SPAG16: variants seen among roughly 807,000 people sequenced by gnomAD.
SPAG16 encodes sperm associated antigen 16, also known as sperm-associated antigen 16 protein.
SPAG16 carries 86 observed loss-of-function variants against 80.4 expected under a neutral mutation model. That is an observed-to-expected ratio of 1.07 (90% CI 0.90 to 1.28). SPAG16 has a LOEUF of 1.28. Among genes scored for constraint, SPAG16 ranks in the 50% most tolerant of loss-of-function variants. SPAG16 has a pLI of 0.00. For missense variants in SPAG16, 870 were observed against 765.3 expected, an observed-to-expected ratio of 1.14 and a Z score of -1.61; for synonymous variants, 294 against 265.9, an observed-to-expected ratio of 1.11 and a Z score of -1.03.
chr2:214,016,993 C>T (rs2047622846), intron 13 of SPAG16, among the ~76,000 whole-genome samples: 1 of 152,074 alleles, frequency 6.6e-6, no homozygotes, highest in Non-Finnish European at 1.5e-5. Context: ...ATGTGAAGCC[C>T]TGTTTAGACC....
At chr2:213,812,913 T>C (rs1446536473) in intron 10 of SPAG16, among the ~76,000 whole-genome samples, 3 of 152,082 alleles carry the variant, frequency 2.0e-5, no homozygotes, top group Non-Finnish European at 4.4e-5. Flanking sequence ...ATGAGGTTTG[T>C]ATGTGAAAAA....
chr2:213,322,539 C>G (rs1413465115), intron 5 of SPAG16, among the ~76,000 whole-genome samples: 3 of 151,946 alleles, frequency 2.0e-5, no homozygotes, highest in Admixed American at 6.6e-5. Flanking sequence ...TCCTATCTTC[C>G]CTTAGCATCT....
At chr2:213,940,075 T>C (rs1255863533) in intron 12 of SPAG16, among the ~76,000 whole-genome samples, 2 of 152,170 alleles carry the variant, frequency 1.3e-5, no homozygotes, top group Admixed American at 1.3e-4. Context: ...GGTAATTACA[T>C]AAATATGCAT....
intron 10 of SPAG16, among the ~76,000 whole-genome samples, chr2:213,509,354 T>G (rs946878109): frequency 6.6e-6 from 1 of 152,196 alleles, no homozygotes; most frequent in Non-Finnish European, 1.5e-5. Flanking sequence ...TTCATAAATG[T>G]CTCTGAGAGA....
chr2:213,298,334 A>C (rs1337569815), intron 3 of SPAG16, among the ~76,000 whole-genome samples: 1 of 152,190 alleles, frequency 6.6e-6, no homozygotes, highest in African/African-American at 2.4e-5. Context: ...AGTCTGTTGG[A>C]TATCTCAAAG....
chr2:214,299,764 G>T (rs1350819592), intron 15 of SPAG16, among the ~76,000 whole-genome samples: 1 of 152,058 alleles, frequency 6.6e-6, no homozygotes, highest in East Asian at 1.9e-4. Context: ...CTTTTTAAAA[G>T]TCTCTTCAGA....
At chr2:213,736,407 C>G (rs532911537) in intron 10 of SPAG16, among the ~76,000 whole-genome samples, 71 of 152,184 alleles carry the variant, frequency 4.7e-4, no homozygotes, top group African/African-American at 1.7e-3. Flanking sequence ...CCCATTTCAG[C>G]CTTCCAAGTA....
At chr2:214,372,122 G>A (rs1213894417) in intron 15 of SPAG16, among the ~76,000 whole-genome samples, 1 of 152,146 alleles carries the variant, frequency 6.6e-6, no homozygotes, top group African/African-American at 2.4e-5. Flanking sequence ...TGATATATCA[G>A]GTAACAGATT....
At chr2:214,315,991 G>A (rs1304007254) in intron 15 of SPAG16, among the ~76,000 whole-genome samples, 1 of 152,156 alleles carries the variant, frequency 6.6e-6, no homozygotes. Context: ...AGAATATGCT[G>A]TCATTGATCT....
chr2:214,141,796 TGTAG>T (rs1217929940), intron 14 of SPAG16, among the ~76,000 whole-genome samples: 3 of 152,198 alleles, frequency 2.0e-5, no homozygotes, highest in African/African-American at 7.2e-5. Context: ...ATTTTTCACT[TGTAG>T]GTAAATATCT....
intron 10 of SPAG16, among the ~76,000 whole-genome samples, chr2:213,578,960 C>A (rs977511028): frequency 6.6e-6 from 1 of 151,874 alleles, no homozygotes; most frequent in Non-Finnish European, 1.5e-5. Flanking sequence ...CATAAAAACC[C>A]ATTTAAGTGT....
At chr2:214,295,461 TA>T (rs1559190433) in intron 15 of SPAG16, among the ~76,000 whole-genome samples, 1 of 152,180 alleles carries the variant, frequency 6.6e-6, no homozygotes, top group Non-Finnish European at 1.5e-5. Context: ...GAATTTTGAA[TA>T]CCCTCCCTCC....
chr2:213,754,400 C>T (rs1165796704), intron 10 of SPAG16, among the ~76,000 whole-genome samples: 1 of 152,126 alleles, frequency 6.6e-6, no homozygotes, highest in Admixed American at 6.5e-5. Context: ...AGGATTTGCT[C>T]ATTTTTATTT....
At chr2:213,348,750 G>A (rs978410785) in intron 6 of SPAG16, among the ~76,000 whole-genome samples, 4 of 152,226 alleles carry the variant, frequency 2.6e-5, no homozygotes, top group Non-Finnish European at 5.9e-5. Context: ...GAGATCAGCT[G>A]TTAGTCTGAT....
At chr2:213,925,192 C>T (rs1239444123) in intron 11 of SPAG16, among the ~76,000 whole-genome samples, 1 of 151,890 alleles carries the variant, frequency 6.6e-6, no homozygotes, top group African/African-American at 2.4e-5. Context: ...TTTTATTTAT[C>T]TACACAAATA....
chr2:213,986,089 G>T (rs889608749), intron 12 of SPAG16, among the ~76,000 whole-genome samples: 1 of 152,060 alleles, frequency 6.6e-6, no homozygotes, highest in African/African-American at 2.4e-5. Context: ...AAAGAATAGG[G>T]AGGCTTAGTA....
intron 13 of SPAG16, among the ~76,000 whole-genome samples, chr2:214,057,354 C>T (rs1004867146): frequency 6.6e-6 from 1 of 152,020 alleles, no homozygotes; most frequent in Non-Finnish European, 1.5e-5. Flanking sequence ...CACTAATCTC[C>T]AATATCTTTA....
At chr2:214,267,297 C>A (rs1691645450) in intron 15 of SPAG16, among the ~76,000 whole-genome samples, 2 of 151,678 alleles carry the variant, frequency 1.3e-5, no homozygotes, top group Admixed American at 6.6e-5. Flanking sequence ...TAAAAACAGA[C>A]ATATTGACCA....
At chr2:214,267,853 G>A (rs78446211) in intron 15 of SPAG16, among the ~76,000 whole-genome samples, 1,803 of 151,872 alleles carry the variant, frequency 0.012, 34 homozygotes, top group African/African-American at 0.04. Context: ...GAAAGCTTCT[G>A]CACAGTAGGG....
Sources: gnomAD v4.1 joint callset for allele counts (sites outside exome capture counted in the v4.1 genomes callset) on GRCh38, gnomAD v4.1.1 for gene constraint, MANE v1.5 for transcripts, NCBI Gene and HGNC (gene_info 2026-07-23, HGNC 2026-07-21) for gene names.